The following PEPD variants were observed in gnomAD, a reference collection of about 807,000 sequenced individuals.
PEPD encodes the protein peptidase D.
In PEPD, 53 loss-of-function variants were observed where a neutral mutation model predicts 60.7. The ratio of observed to expected loss-of-function variants is 0.87; its 90% CI spans 0.70 to 1.10. The LOEUF (loss-of-function observed/expected upper bound fraction) is 1.10. PEPD is among the 50% of genes least tolerant of loss of function. The probability of loss-of-function intolerance (pLI) is 0.00; values close to 1 mark genes in which losing one functional copy is unlikely to be tolerated. For missense variants in PEPD, 711 were observed against 711.9 expected (o/e 1.00, Z 0.01); for synonymous variants, 267 against 284.1 (o/e 0.94, Z 0.60).
Position 33,483,435 on chromosome 19 carries a change from G to A in PEPD, c.504-5345C>T, listed in dbSNP as rs936036482. ...GAACCCTGTGTGACACAGAGCTCAA[G>A]CTGGAGAACAAGGTAGCCTAGCACA... is the stretch of plus-strand genomic sequence containing the variant. On this transcript the variant is annotated intron_variant, in intron 6 of 14. Coordinates refer to ENST00000244137, the MANE Select transcript of PEPD (RefSeq NM_000285.4). Among the ~76,000 whole-genome samples the A allele has an allele frequency of 4.6e-5, 7 of 152,320 alleles. No individual in the cohort carries two copies. In the South Asian group the frequency reaches 8.3e-4, roughly 18 times the overall value.
intron 13 of PEPD, among the ~76,000 whole-genome samples, chr19:33,390,440 CA>C (rs2145325576): frequency 6.6e-6 from 1 of 152,374 alleles, no homozygotes; most frequent in East Asian, 1.9e-4. Flanking sequence ...CAATTCCCCC[CA>C]CTGCCCCCAC....
At chr19:33,411,426 C>A (rs949906075) in intron 11 of PEPD, among the ~76,000 whole-genome samples, 9 of 152,178 alleles carry the variant, frequency 5.9e-5, no homozygotes, top group Admixed American at 1.3e-4. Context: ...CACAGGAAAC[C>A]ATCGGGGGCC....
intron 9 of PEPD, among the ~76,000 whole-genome samples, chr19:33,457,777 T>A (rs1969831914): frequency 6.6e-6 from 1 of 152,356 alleles, no homozygotes; most frequent in Admixed American, 6.5e-5. Flanking sequence ...CCCAAAGTGC[T>A]GGAATTACAG....
chr19:33,511,262 C>T, intron 2 of PEPD, 107 bp from the exon 3 acceptor site: 1 of 1,131,708 alleles, frequency 8.8e-7, no homozygotes, highest in Admixed American at 1.8e-5. Context: ...CCGACAGCCT[C>T]CTGTAACTGA....
At chr19:33,484,761 G>GAC (rs72083881) in intron 6 of PEPD, among the ~76,000 whole-genome samples, 1,963 of 151,528 alleles carry the variant, frequency 0.013, 49 homozygotes, top group African/African-American at 0.044. Context: ...TACACAGATA[G>GAC]ACACACACAC....
At chr19:33,438,137 G>A (rs746321467) in intron 9 of PEPD, among the ~76,000 whole-genome samples, 4 of 152,218 alleles carry the variant, frequency 2.6e-5, no homozygotes, top group African/African-American at 7.2e-5. Context: ...GGATGTCCAG[G>A]AACCCAGCTG....
At chr19:33,419,177 T>C (rs914073061) in intron 9 of PEPD, among the ~76,000 whole-genome samples, 2 of 152,068 alleles carry the variant, frequency 1.3e-5, no homozygotes, top group African/African-American at 4.8e-5. Flanking sequence ...CCAGGCTTCT[T>C]GGGCTTGCAT....
At chr19:33,394,690 G>A (rs2145334189) in intron 12 of PEPD, among the ~76,000 whole-genome samples, 1 of 152,308 alleles carries the variant, frequency 6.6e-6, no homozygotes, top group African/African-American at 2.4e-5. Flanking sequence ...CCACTCTCAG[G>A]CTCCTCCCAC....
chr19:33,397,464 C>A (rs1298518058), intron 12 of PEPD, among the ~76,000 whole-genome samples: 1 of 152,048 alleles, frequency 6.6e-6, no homozygotes, highest in Non-Finnish European at 1.5e-5. Flanking sequence ...CTCGATGCTA[C>A]GGGAGGCGAC....
intron 3 of PEPD, among the ~76,000 whole-genome samples, chr19:33,505,515 C>A (rs1471832937): frequency 5.3e-5 from 8 of 152,028 alleles, no homozygotes; most frequent in African/African-American, 1.7e-4. Context: ...AGCTCCTCAG[C>A]CCCTTCTCAG....
chr19:33,453,981 G>A (rs6417177), intron 9 of PEPD, among the ~76,000 whole-genome samples: 60,365 of 151,918 alleles, frequency 0.4, 12,692 homozygotes, highest in African/African-American at 0.53. Context: ...CACTGGCTCT[G>A]CACCAGGACG....
At chr19:33,475,294 G>C (rs1336448421) in intron 7 of PEPD, among the ~76,000 whole-genome samples, 2 of 151,968 alleles carry the variant, frequency 1.3e-5, no homozygotes, top group Non-Finnish European at 2.9e-5. Flanking sequence ...ATGAGTCCCT[G>C]AGTCGTAATC....
intron 14 of PEPD, 154 bp downstream of exon 14, chr19:33,387,736 G>T: frequency 1.3e-6 from 1 of 776,736 alleles, no homozygotes; most frequent in Non-Finnish European, 2.2e-6. Context: ...TGAGGGGTGA[G>T]GCTCCATCCT....
At chr19:33,489,426 C>T (rs1447486523) in intron 6 of PEPD, among the ~76,000 whole-genome samples, 3 of 152,184 alleles carry the variant, frequency 2.0e-5, no homozygotes, top group African/African-American at 4.8e-5. Flanking sequence ...GTCACGAGTT[C>T]GAGACAAGCC....
chr19:33,517,747 A>G (rs1971050996), intron 1 of PEPD, among the ~76,000 whole-genome samples: 1 of 151,562 alleles, frequency 6.6e-6, no homozygotes, highest in African/African-American at 2.4e-5. Flanking sequence ...TGGGTGGGTC[A>G]CGAGGTCAGG....
At chr19:33,462,809 G>C in intron 9 of PEPD, 186 bp downstream of exon 9, 1 of 651,834 alleles carries the variant, frequency 1.5e-6, no homozygotes, top group Non-Finnish European at 2.8e-6. Context: ...CAAACACTCT[G>C]CCAAGAGCCA....
intron 6 of PEPD, among the ~76,000 whole-genome samples, chr19:33,485,737 C>T (rs1970385665): frequency 6.6e-6 from 1 of 152,080 alleles, no homozygotes; most frequent in African/African-American, 2.4e-5. Context: ...CAATTCGTTA[C>T]CAATTGTCTT....
intron 9 of PEPD, among the ~76,000 whole-genome samples, chr19:33,453,649 T>C (rs1969742185): frequency 6.6e-6 from 1 of 152,270 alleles, no homozygotes; most frequent in Non-Finnish European, 1.5e-5. Flanking sequence ...AACTTTTATA[T>C]GCACTAGGAA....
intron 6 of PEPD, among the ~76,000 whole-genome samples, chr19:33,485,932 A>T (rs1272670682): frequency 6.6e-6 from 1 of 151,472 alleles, no homozygotes; most frequent in Non-Finnish European, 1.5e-5. Flanking sequence ...TCTGTCTGGG[A>T]GGCGACTGCC....
Sources: gnomAD v4.1 joint callset for allele counts (sites outside exome capture counted in the v4.1 genomes callset) on GRCh38, gnomAD v4.1.1 for gene constraint, MANE v1.5 for transcripts, NCBI Gene and HGNC (gene_info 2026-07-23, HGNC 2026-07-21) for gene names.